CEP78: variants seen among roughly 807,000 people sequenced by gnomAD.
CEP78 encodes the protein centrosomal protein 78.
Under a neutral mutation model 81.2 loss-of-function variants are expected in CEP78, and 76 were observed. The ratio of observed to expected loss-of-function variants is 0.94; its 90% CI spans 0.78 to 1.13. CEP78 has a LOEUF of 1.13. Ranked by LOEUF, CEP78 falls within the 50% of genes most tolerant of loss-of-function variation. The probability of loss-of-function intolerance (pLI) is 0.00; values close to 1 mark genes in which losing one functional copy is unlikely to be tolerated. For synonymous variants in CEP78, 293 were observed against 301.4 expected, an observed-to-expected ratio of 0.97 and a Z score of 0.29; for missense variants, 918 against 846.8, an observed-to-expected ratio of 1.08 and a Z score of -1.04.
chr9:78,264,293 C>T lies in CEP78; in HGVS notation c.1602C>T (p.Phe534=). 1.2e-6 allele frequency: 2 copies of T among 1,613,128 alleles called. No individual in the cohort carries two copies. The highest frequency in any genetic ancestry group is 1.7e-6 in the Non-Finnish European group (2 of 1,179,478). ...IENSFQKFHA[F]LDLLKDAGLG... ...ATTCTTTTCAGAAGTTTCATGCTTTCTTGGATCTCCTTAAAGATGCTGGGT... is the reference window on the plus strand; with the variant it reads ...ATTCTTTTCAGAAGTTTCATGCTTTTTTGGATCTCCTTAAAGATGCTGGGT... Residue 534 remains phenylalanine, a synonymous_variant, in exon 13 of 17, where the codon TTC becomes TTT. Transcript: ENST00000643273.
At chr9:78,244,042 A>C (rs1826362230) in intron 5 of CEP78, among the ~76,000 whole-genome samples, 1 of 150,078 alleles carries the variant, frequency 6.7e-6, no homozygotes. Flanking sequence ...ATTCCCTACT[A>C]TTTGATATTT....
Position 78,253,292 on chromosome 9 carries a change from T to C in CEP78, c.1251+15T>C. 8.4e-7 allele frequency: 1 copy of C among 1,190,250 alleles called. No homozygotes were observed. Among genetic ancestry groups the C allele is most frequent in the African/African-American group, 1.5e-5 (1 of 67,330 alleles). 73.7% of individuals were successfully genotyped at this position (1,190,250 alleles called of 1,614,324 possible). ...ATCAGTTGCAGGTACGTAGTTACCATGTTTATAATATGTAGGGGATTGGAA... is the reference window on the plus strand; with the variant it reads ...ATCAGTTGCAGGTACGTAGTTACCACGTTTATAATATGTAGGGGATTGGAA... On this transcript the variant is annotated intron_variant, in intron 10 of 16. Transcript: ENST00000643273.
At position 78,279,648 on chromosome 9, in the gene CEP78, T is replaced by C. The variant is rs1156573740; in HGVS notation, c.*8797T>C. 1.3e-5 allele frequency: 2 copies of C among 152,198 alleles called. No homozygotes were observed. Among genetic ancestry groups the C allele is most frequent in the Non-Finnish European group, 2.9e-5 (2 of 68,030 alleles). The allele number at this position is 152,198 out of a possible 1,614,324, so 9.4% of individuals were successfully genotyped here. On this transcript the variant is annotated 3_prime_UTR_variant, in exon 17 of 17. Transcript: ENST00000643273. Reference sequence around the variant, plus strand: ...CCACACAAATATTATTCCACAAATATTTATTGTCACCAACTATAATAAAAG... The same window carrying C: ...CCACACAAATATTATTCCACAAATACTTATTGTCACCAACTATAATAAAAG...
At chr9:78,244,112 A>C (rs898415831) in intron 5 of CEP78, among the ~76,000 whole-genome samples, 3 of 146,082 alleles carry the variant, frequency 2.1e-5, no homozygotes, top group African/African-American at 7.6e-5. Context: ...TTATGTATAC[A>C]TCTCTGTGTC....
At chr9:78,250,641 A>G (rs1056612177) in intron 8 of CEP78, among the ~76,000 whole-genome samples, 2 of 152,170 alleles carry the variant, frequency 1.3e-5, no homozygotes, top group Non-Finnish European at 2.9e-5. Flanking sequence ...CGAAAGGCTA[A>G]GGCAGAAGAA....
At chr9:78,258,398 A>G (rs1827134385) in intron 11 of CEP78, among the ~76,000 whole-genome samples, 2 of 152,250 alleles carry the variant, frequency 1.3e-5, no homozygotes, top group Admixed American at 6.5e-5. Flanking sequence ...ACAGGTGGAA[A>G]GAAGGGACAA....
rs925237659 is a variant in CEP78 at position 78,270,847 on chromosome 9, A to G, written c.2114A>G (p.His705Arg). ...SSEKKTKTES[H>R] The stretch of plus-strand genomic sequence containing the variant: ...CATTCTTTTATGCTTCTAGAATCCC[A>G]TTGAAATGACTGGAGAAATATTAAA... The change falls in exon 17 of 17, where the codon CAT (histidine) becomes CGT (arginine). Residue 705 changes from histidine (H) to arginine (R), a missense_variant. His to Arg is a conservative substitution (Grantham distance 29). Transcript: ENST00000643273. The G allele has an allele frequency of 7.9e-5, 55 of 696,760 alleles. 1 individual carries two copies. The Admixed American group carries it at 1.1e-3, about 15-fold the overall frequency. 43.2% of individuals were successfully genotyped at this position (696,760 alleles called of 1,614,324 possible). A position where few individuals can be genotyped will look rare whatever the true frequency, so the allele number is the denominator to read the frequency against.
Position 78,243,479 on chromosome 9 carries a change from G to T in CEP78, c.621G>T (p.Arg207Ser), listed in dbSNP as rs976571270. 2.5e-6 allele frequency: 4 copies of T among 1,612,898 alleles called. No homozygotes were observed. The African/African-American group carries it at 5.3e-5, about 22-fold the overall frequency. ...CTTTGAAGTATCAGACCATGAGAAGGCATGAAGAAACCTGGGCTGAGAGTC... is the reference window on the plus strand; with the variant it reads ...CTTTGAAGTATCAGACCATGAGAAGTCATGAAGAAACCTGGGCTGAGAGTC... Reference protein sequence around the residue: ...AKILKYQTMRRHEETWAESLR... With the variant: ...AKILKYQTMRSHEETWAESLR... The change falls in exon 5 of 17, where the codon AGG (arginine) becomes AGT (serine). Residue 207 changes from arginine (R) to serine (S), a missense_variant. Arg to Ser is a moderately radical substitution (Grantham distance 110). Coordinates refer to ENST00000643273, the MANE Select transcript of CEP78 (RefSeq NM_001330691.3).
intron 3 of CEP78, 58 bp downstream of exon 3, chr9:78,240,422 A>G (rs929110469): frequency 2.2e-6 from 3 of 1,360,178 alleles, no homozygotes; most frequent in Non-Finnish European, 3.1e-6. Context: ...GTTTCCCTAC[A>G]TGCCATGTTA....
In CEP78 at chr9:78,236,186, T is replaced by C; in HGVS notation, c.-165T>C. On this transcript the variant is annotated 5_prime_UTR_variant, in exon 1 of 17. Coordinates refer to ENST00000643273, the MANE Select transcript of CEP78 (RefSeq NM_001330691.3). ...TTGAGGGGCCGGCCTAGCTTGGGGC[T>C]CTGGCCTTGCGTCTTCCGACCGAAT... 3.2e-6 allele frequency: 2 copies of C among 627,744 alleles called. No individual in the cohort carries two copies. The highest frequency in any genetic ancestry group is 5.3e-6 in the Non-Finnish European group (2 of 375,878). The allele number at this position is 627,744 out of a possible 1,614,324, so 38.9% of individuals were successfully genotyped here.
rs1054549270 is a variant in CEP78, at chr9:78,277,011, T to C, written c.*6160T>C. 6.6e-6 allele frequency: 1 copy of C among 152,100 alleles called. No individual in the cohort carries two copies. The highest frequency in any genetic ancestry group is 2.4e-5 in the African/African-American group (1 of 41,434). The allele number at this position is 152,100 out of a possible 1,614,324, so 9.4% of individuals were successfully genotyped here. A position where few individuals can be genotyped will look rare whatever the true frequency, so the allele number is the denominator to read the frequency against. On this transcript the variant is annotated 3_prime_UTR_variant, in exon 17 of 17. Coordinates refer to ENST00000643273, the MANE Select transcript of CEP78 (RefSeq NM_001330691.3). Reference sequence around the variant, plus strand: ...GTTCACACAGGAATAATCACAGGTATAGAACCGAGAACCTAGGAACAGAGC... The same window carrying C: ...GTTCACACAGGAATAATCACAGGTACAGAACCGAGAACCTAGGAACAGAGC...
intron 11 of CEP78, among the ~76,000 whole-genome samples, chr9:78,259,252 G>A (rs1031475536): frequency 6.6e-6 from 1 of 152,142 alleles, no homozygotes; most frequent in Non-Finnish European, 1.5e-5. Flanking sequence ...CATAAAGTTA[G>A]AAGTAGGCAA....
In CEP78 at chr9:78,268,292, G is replaced by T. The variant is rs190799869; in HGVS notation, c.2107+1589G>T. Among the ~76,000 whole-genome samples, 3 of 152,276 alleles carry T rather than the reference G, an allele frequency of 2.0e-5. No individual in the cohort carries two copies. In the East Asian group the frequency reaches 5.8e-4, roughly 29 times the overall value. On this transcript the variant is annotated intron_variant, in intron 16 of 16. Transcript: ENST00000643273. ...TGAGCAGAAGTACAGAGCCGTGAGT[G>T]TGAGTATGTGCGTTTGAGGAACCAC...
intron 13 of CEP78, 29 bp from the exon 14 acceptor site, chr9:78,265,343 C>T: frequency 6.5e-7 from 1 of 1,544,224 alleles, no homozygotes; most frequent in Non-Finnish European, 8.7e-7. Flanking sequence ...GTAATCCTTG[C>T]CTTTTCCTCC....
At chr9:78,246,810 C>T (rs1826513415) in intron 6 of CEP78, 28 bp downstream of exon 6, 1 of 1,254,894 alleles carries the variant, frequency 8.0e-7, no homozygotes, top group Non-Finnish European at 1.1e-6. Flanking sequence ...TTTTTATTGA[C>T]TAACAAATAG....
intron 5 of CEP78, among the ~76,000 whole-genome samples, chr9:78,245,304 C>G (rs1261930675): frequency 6.6e-6 from 1 of 152,080 alleles, no homozygotes; most frequent in Admixed American, 6.6e-5. Context: ...AGCCCAAGAT[C>G]CAGATGCCAG....
intron 1 of CEP78, 146 bp downstream of exon 1, chr9:78,236,749 T>C (rs982630543): frequency 9.5e-7 from 1 of 1,057,616 alleles, no homozygotes; most frequent in Non-Finnish European, 1.3e-6. Context: ...TTAAGGTCTC[T>C]AGGGCTTCAG....
In CEP78 at chr9:78,272,882, T is replaced by G. The variant is rs939460139; in HGVS notation, c.*2031T>G. ...GTATGATGCAGCATATATTGTGACT[T>G]AAAGCTTCTGTCTAGATGTGACATA... On this transcript the variant is annotated 3_prime_UTR_variant, in exon 17 of 17. Coordinates refer to ENST00000643273, the MANE Select transcript of CEP78 (RefSeq NM_001330691.3). 2 of 152,180 alleles carry G rather than the reference T, an allele frequency of 1.3e-5. No homozygotes were observed. The highest frequency in any genetic ancestry group is 2.9e-5 in the Non-Finnish European group (2 of 68,036). 9.4% of individuals were successfully genotyped at this position (152,180 alleles called of 1,614,324 possible). A position where few individuals can be genotyped will look rare whatever the true frequency, so the allele number is the denominator to read the frequency against.
At chr9:78,238,860 T>G (rs760116788) in intron 1 of CEP78, among the ~76,000 whole-genome samples, 11 of 152,024 alleles carry the variant, frequency 7.2e-5, no homozygotes, top group Non-Finnish European at 1.3e-4. Context: ...GTGAGACTCC[T>G]GTCTCTACAA....
Sources: gnomAD v4.1 joint callset for allele counts (sites outside exome capture counted in the v4.1 genomes callset) on GRCh38, gnomAD v4.1.1 for gene constraint, MANE v1.5 for transcripts, NCBI Gene and HGNC (gene_info 2026-07-23, HGNC 2026-07-21) for gene names.